NFIB: variants seen among roughly 807,000 people sequenced by gnomAD.
The protein encoded by NFIB is nuclear factor 1 B-type.
Under a neutral mutation model 61.5 loss-of-function variants are expected in NFIB, and 11 were observed. That is an observed-to-expected ratio of 0.18 (90% CI 0.11 to 0.30). The LOEUF is 0.30. Ranked by LOEUF, NFIB falls within the 10% of genes least tolerant of loss-of-function variation. The pLI is 1.00. For missense variants in NFIB, 471 were observed against 608.9 expected (o/e 0.77, Z 2.38); for synonymous variants, 260 against 216.5 (o/e 1.20, Z -1.76).
rs999992465 is a variant in NFIB, at chr9:14,304,243, A to C, written c.562+2746T>G. Among the ~76,000 whole-genome samples the C allele has an allele frequency of 3.3e-5, 5 of 152,344 alleles. No homozygotes were observed. The South Asian group carries it at 1.0e-3, about 32-fold the overall frequency. On this transcript the variant is annotated intron_variant, in intron 2 of 10. Coordinates refer to ENST00000380953, the MANE Select transcript of NFIB (RefSeq NM_001190737.2). ...GCTGCTGGGCATGAAGAAGGAAAAAAAGTGTGGGTTGAACCAAAAGAGAAA... is the reference window on the plus strand; with the variant it reads ...GCTGCTGGGCATGAAGAAGGAAAAACAGTGTGGGTTGAACCAAAAGAGAAA...
chr9:14,383,936 C>T (rs1176900377), intron 1 of NFIB, among the ~76,000 whole-genome samples: 1 of 152,196 alleles, frequency 6.6e-6, no homozygotes, highest in Non-Finnish European at 1.5e-5. Context: ...CATCGTGTTT[C>T]ATCCAATCTC....
At chr9:14,504,392 G>A in the NFIB span, among the ~76,000 whole-genome samples, 1 of 152,086 alleles carries the variant, frequency 6.6e-6, no homozygotes, top group Non-Finnish European at 1.5e-5. Context: ...GATGGGAATT[G>A]CATTGAATTT....
chr9:14,146,225 C>G (rs1178083476), intron 6 of NFIB, among the ~76,000 whole-genome samples: 2 of 152,160 alleles, frequency 1.3e-5, no homozygotes, highest in East Asian at 3.9e-4. Flanking sequence ...TTACATTACA[C>G]TTTTCTTTAT....
upstream of NFIB, among the ~76,000 whole-genome samples, chr9:14,401,180 T>C (rs2061739577): frequency 6.6e-6 from 1 of 152,212 alleles, no homozygotes; most frequent in Non-Finnish European, 1.5e-5. Flanking sequence ...AGGCTCATTG[T>C]GTGTCTACCC....
chr9:14,384,015 G>A (rs1220832453), intron 1 of NFIB, among the ~76,000 whole-genome samples: 1 of 152,248 alleles, frequency 6.6e-6, no homozygotes, highest in African/African-American at 2.4e-5. Flanking sequence ...CCAGGCTCGT[G>A]ATTGGCTGGG....
chr9:14,234,373 CTTT>C (rs34134132), intron 2 of NFIB, among the ~76,000 whole-genome samples: 6 of 147,054 alleles, frequency 4.1e-5, no homozygotes, highest in African/African-American at 1.0e-4. Flanking sequence ...TATCATTACT[CTTT>C]TTTTTTTTTT....
At chr9:14,321,743 A>T (rs2060666117) in intron 1 of NFIB, among the ~76,000 whole-genome samples, 1 of 152,190 alleles carries the variant, frequency 6.6e-6, no homozygotes, top group Admixed American at 6.5e-5. Context: ...CTAAATAATA[A>T]TGCATATTTG....
At position 14,087,598 on chromosome 9, in the gene NFIB, CTTTTTT is replaced by C. The variant is rs904093587; in HGVS notation, c.*705_*710del. ...TTTTTTCCTTTTTTTTTCATTTTTT[CTTTTTT>C]TAAGATTTCAAACTGGGTTACACAC... On this transcript the variant is annotated 3_prime_UTR_variant, in exon 11 of 11. Transcript: ENST00000380953. 3 of 212,654 alleles carry C rather than the reference CTTTTTT, an allele frequency of 1.4e-5. No homozygotes were observed. Among genetic ancestry groups the C allele is most frequent in the Admixed American group, 6.1e-5 (1 of 16,396 alleles). The allele number at this position is 212,654 out of a possible 1,614,324, so 13.2% of individuals were successfully genotyped here.
intron 3 of NFIB, among the ~76,000 whole-genome samples, chr9:14,161,398 AT>A (rs2044186296): frequency 6.6e-6 from 1 of 152,098 alleles, no homozygotes; most frequent in Non-Finnish European, 1.5e-5. Context: ...CACGAGGATG[AT>A]TTAGGTGATC....
At chr9:14,285,341 C>T (rs973264455) in intron 2 of NFIB, among the ~76,000 whole-genome samples, 16 of 152,078 alleles carry the variant, frequency 1.1e-4, no homozygotes, top group Non-Finnish European at 2.4e-4. Context: ...CAGGCTGGTC[C>T]CGAACTCCTG....
At chr9:14,340,810 A>G (rs1224204517) in intron 1 of NFIB, among the ~76,000 whole-genome samples, 1 of 151,560 alleles carries the variant, frequency 6.6e-6, no homozygotes, top group Non-Finnish European at 1.5e-5. Context: ...CCAACTTAAG[A>G]GTAGGGCTAC....
upstream of NFIB, among the ~76,000 whole-genome samples, chr9:14,318,137 GAA>G (rs2060582285): frequency 1.3e-5 from 2 of 152,068 alleles, no homozygotes; most frequent in East Asian, 3.9e-4. Context: ...TCAGCAACAG[GAA>G]ACTCTGTTAT....
intron 2 of NFIB, among the ~76,000 whole-genome samples, chr9:14,297,013 T>C (rs1312867954): frequency 6.6e-6 from 1 of 152,210 alleles, no homozygotes; most frequent in Non-Finnish European, 1.5e-5. Context: ...AACACGTGTG[T>C]GCATGCGCAC....
intron 2 of NFIB, among the ~76,000 whole-genome samples, chr9:14,234,113 G>T (rs1207264807): frequency 1.3e-5 from 2 of 152,242 alleles, no homozygotes; most frequent in Non-Finnish European, 2.9e-5. Flanking sequence ...GCAGTCCTGT[G>T]ACTTATTGAA....
the NFIB span, among the ~76,000 whole-genome samples, chr9:14,412,147 T>C: frequency 6.6e-6 from 1 of 152,168 alleles, no homozygotes; most frequent in Non-Finnish European, 1.5e-5. Flanking sequence ...AAGAGATATG[T>C]ATTGTTTTAA....
At chr9:14,289,170 A>G (rs1323922043) in intron 2 of NFIB, among the ~76,000 whole-genome samples, 1 of 148,582 alleles carries the variant, frequency 6.7e-6, no homozygotes, top group Admixed American at 6.8e-5. Context: ...TGCCAAATAT[A>G]TAATATTTAC....
chr9:14,097,868 CTTTT>C (rs2035082122), intron 10 of NFIB, among the ~76,000 whole-genome samples: 3 of 121,014 alleles, frequency 2.5e-5, no homozygotes, highest in Admixed American at 1.7e-4. Flanking sequence ...TTCTTTCTTT[CTTTT>C]TTCTTTTTTT....
At chr9:14,312,145 G>T (rs2060309632) in intron 1 of NFIB, among the ~76,000 whole-genome samples, 1 of 152,132 alleles carries the variant, frequency 6.6e-6, no homozygotes, top group African/African-American at 2.4e-5. Flanking sequence ...AATAAAAAAT[G>T]TGTCAGCCAA....
At chr9:14,260,091 G>A (rs547439624) in intron 2 of NFIB, among the ~76,000 whole-genome samples, 1 of 152,254 alleles carries the variant, frequency 6.6e-6, no homozygotes, top group East Asian at 1.9e-4. Context: ...TAGAACTGCT[G>A]GGTCCTGAAA....
Sources: gnomAD v4.1 joint callset for allele counts (sites outside exome capture counted in the v4.1 genomes callset) on GRCh38, gnomAD v4.1.1 for gene constraint, MANE v1.5 for transcripts, NCBI Gene and HGNC (gene_info 2026-07-23, HGNC 2026-07-21) for gene names.